OGN: variants seen among roughly 807,000 people sequenced by gnomAD.
OGN encodes osteoglycin.
Under a neutral mutation model 30.8 loss-of-function variants are expected in OGN, and 19 were observed. That is an observed-to-expected ratio of 0.62 (90% CI 0.43 to 0.90). The LOEUF is 0.90. Ranked by LOEUF, OGN falls within the 40% of genes least tolerant of loss-of-function variation. The pLI is 0.00. For missense variants in OGN, 283 were observed against 349.7 expected, an observed-to-expected ratio of 0.81 and a Z score of 1.52; for synonymous variants, 126 against 128.3, an observed-to-expected ratio of 0.98 and a Z score of 0.12.
intron 4 of OGN, among the ~76,000 whole-genome samples, chr9:92,390,619 A>G (rs151111760): frequency 3.3e-5 from 5 of 152,054 alleles, no homozygotes; most frequent in Admixed American, 1.3e-4. Flanking sequence ...TGCATCACGT[A>G]TATCTGGGAT....
chr9:92,398,933 G>A lies in OGN; in HGVS notation c.268+2159C>T, dbSNP rs139832403. Among the ~76,000 whole-genome samples the A allele has an allele frequency of 1.1e-4, 17 of 152,050 alleles. No individual in the cohort carries two copies. The East Asian group carries it at 1.4e-3, about 12-fold the overall frequency. On this transcript the variant is annotated intron_variant, in intron 3 of 6. Coordinates refer to ENST00000375561, the MANE Select transcript of OGN (RefSeq NM_014057.5). ...ATAAATTAGCCTGGCGTGGTGGCGC[G>A]TGCCTGTAATCCCAGCTACTCGGAG...
intron 3 of OGN, among the ~76,000 whole-genome samples, chr9:92,398,583 A>G (rs1244442660): frequency 6.6e-6 from 1 of 151,718 alleles, no homozygotes; most frequent in African/African-American, 2.4e-5. Flanking sequence ...AAATCACTCC[A>G]TGTTAGTTCT....
At chr9:92,401,373 A>G (rs1311017322) in intron 2 of OGN, among the ~76,000 whole-genome samples, 188 bp from the exon 3 acceptor site, 1 of 152,098 alleles carries the variant, frequency 6.6e-6, no homozygotes, top group African/African-American at 2.4e-5. Context: ...GCTTGTTTTT[A>G]TTCTAGACTA....
At chr9:92,401,229 G>T in intron 2 of OGN, 44 bp from the exon 3 acceptor site, 1 of 850,604 alleles carries the variant, frequency 1.2e-6, no homozygotes, top group East Asian at 2.5e-5. Context: ...CATTAAGTCT[G>T]TGTTTCTCTG....
intron 4 of OGN, 27 bp from the exon 5 acceptor site, chr9:92,390,083 A>G (rs770362006): frequency 1.5e-6 from 2 of 1,297,232 alleles, no homozygotes; most frequent in Non-Finnish European, 2.2e-6. Context: ...ATAAAAAACA[A>G]CTACGTAAGT....
At chr9:92,395,427 A>T (rs1007609568) in intron 3 of OGN, among the ~76,000 whole-genome samples, 1 of 152,200 alleles carries the variant, frequency 6.6e-6, no homozygotes, top group African/African-American at 2.4e-5. Context: ...TGGTCATTTC[A>T]TATGGACATT....
At chr9:92,395,935 T>G (rs1465700438) in intron 3 of OGN, among the ~76,000 whole-genome samples, 1 of 151,750 alleles carries the variant, frequency 6.6e-6, no homozygotes, top group Non-Finnish European at 1.5e-5. Flanking sequence ...TTAAGTAATG[T>G]TTGCCGACCA....
intron 1 of OGN, chr9:92,403,823 A>G (rs1237297978): frequency 9.1e-6 from 3 of 330,518 alleles, no homozygotes; most frequent in Non-Finnish European, 1.3e-5. Context: ...AGTTAAAAAT[A>G]TCATATTTCC....
intron 4 of OGN, among the ~76,000 whole-genome samples, chr9:92,392,434 C>A (rs1256018234): frequency 1.3e-5 from 2 of 152,014 alleles, no homozygotes; most frequent in Admixed American, 6.6e-5. Flanking sequence ...CCAGCCTGGC[C>A]AACATGGTGA....
rs1408615190 is a variant in OGN at position 92,385,766 on chromosome 9, C to G, written c.751G>C (p.Asp251His). 1 of 1,613,954 alleles carries G rather than the reference C, an allele frequency of 6.2e-7. No homozygotes were observed. The highest frequency in any genetic ancestry group is 1.1e-5 in the South Asian group (1 of 91,052). The stretch of plus-strand genomic sequence containing the variant: ...TCATTAGCCTTGCAGAATGTGTCAT[C>G]TGTAATTGAAGCTATGTTGTTGAAC... ...LQFNNIASIT[D>H]DTFCKANDTS... The change falls in exon 7 of 7, where the codon GAT becomes CAT. Residue 251 changes from aspartate to histidine, a missense_variant. Transcript: ENST00000375561.
At chr9:92,393,843 G>A (rs74439939) in intron 3 of OGN, among the ~76,000 whole-genome samples, 1,562 of 151,884 alleles carry the variant, frequency 0.01, 30 homozygotes, top group African/African-American at 0.036. Flanking sequence ...ATGCCTTTCA[G>A]TTGGCAGAGG....
intron 3 of OGN, among the ~76,000 whole-genome samples, chr9:92,394,287 T>C (rs1439248961): frequency 6.6e-6 from 1 of 152,076 alleles, no homozygotes; most frequent in East Asian, 1.9e-4. Context: ...CTGTTGCTCA[T>C]GCTGGAGTGT....
chr9:92,387,003 G>T (rs1035764119), intron 5 of OGN, among the ~76,000 whole-genome samples: 1 of 140,526 alleles, frequency 7.1e-6, no homozygotes, highest in African/African-American at 2.7e-5. Context: ...AGCTGAGATC[G>T]CACCACTGTA....
chr9:92,390,972 C>T (rs1842653313), intron 4 of OGN, among the ~76,000 whole-genome samples: 1 of 152,116 alleles, frequency 6.6e-6, no homozygotes, highest in African/African-American at 2.4e-5. Context: ...TCATGTTAAA[C>T]AGCAAAATCA....
At chr9:92,392,514 C>T (rs942729147) in intron 4 of OGN, among the ~76,000 whole-genome samples, 1 of 151,720 alleles carries the variant, frequency 6.6e-6, no homozygotes, top group African/African-American at 2.4e-5. Flanking sequence ...ACGTGAGAGG[C>T]TGAGACAGGA....
At chr9:92,404,698 G>C, upstream of OGN, 1 of 1,232,406 alleles carries the variant, frequency 8.1e-7, no homozygotes, top group South Asian at 1.5e-5. Context: ...GTGAAATGCA[G>C]TGTGTTGTAC....
At chr9:92,399,710 C>T (rs1843030525) in intron 3 of OGN, among the ~76,000 whole-genome samples, 2 of 152,154 alleles carry the variant, frequency 1.3e-5, no homozygotes, top group African/African-American at 4.8e-5. Context: ...CCTAAATGTA[C>T]ACCTCTTCAA....
At chr9:92,388,831 CAA>C (rs533649013) in intron 5 of OGN, among the ~76,000 whole-genome samples, 54 of 83,544 alleles carry the variant, frequency 6.5e-4, no homozygotes, top group Admixed American at 9.8e-4. Context: ...GACTCCATCT[CAA>C]AAAAAAAAAA....
chr9:92,392,992 A>T (rs72752444), intron 4 of OGN, 94 bp downstream of exon 4: 37,357 of 961,552 alleles, frequency 0.039, 931 homozygotes, highest in South Asian at 0.078. Flanking sequence ...GACAAACCTG[A>T]ATGTGATAGG....
Sources: allele counts gnomAD v4.1 joint callset (sites outside exome capture counted in the v4.1 genomes callset), GRCh38; gene constraint gnomAD v4.1.1; transcripts MANE v1.5; gene names NCBI Gene and HGNC (gene_info 2026-07-23, HGNC 2026-07-21).